DMD: variants seen among roughly 807,000 people sequenced by gnomAD.
DMD encodes the protein dystrophin.
A neutral mutation model predicts 330.1 loss-of-function variants in DMD; 63 were observed. The ratio of observed to expected loss-of-function variants is 0.19; its 90% confidence interval spans 0.16 to 0.24. The LOEUF (loss-of-function observed/expected upper bound fraction) is 0.24. DMD is among the 10% of genes least tolerant of loss of function. The probability of loss-of-function intolerance (pLI) is 1.00; values close to 1 mark genes in which losing one functional copy is unlikely to be tolerated. For missense variants in DMD, 3,344 were observed against 2,684.1 expected (o/e 1.25, Z -5.43); for synonymous variants, 1,223 against 959.8 (o/e 1.27, Z -5.07).
At chrX:32,995,682 T>C (rs2093099900) in intron 2 of DMD, among the ~76,000 whole-genome samples, 2 of 112,378 alleles carry the variant, frequency 1.8e-5, no homozygotes, top group South Asian at 7.4e-4. Context: ...TGTATGGTAG[T>C]TACAACATTG....
intron 16 of DMD, among the ~76,000 whole-genome samples, chrX:32,547,840 G>A (rs1377061835): frequency 1.8e-5 from 2 of 111,354 alleles, no homozygotes; most frequent in African/African-American, 6.5e-5. Context: ...TGGGAAAGAT[G>A]TTCTTAACAA....
intron 47 of DMD, among the ~76,000 whole-genome samples, chrX:31,927,606 T>A (rs1415696156): frequency 1.9e-5 from 2 of 106,308 alleles, no homozygotes; most frequent in African/African-American, 7.0e-5. Context: ...TTTACACAGA[T>A]GTTTTGCAAT....
intron 1 of DMD, among the ~76,000 whole-genome samples, chrX:33,264,165 C>T (rs777075407): frequency 2.6e-4 from 29 of 111,372 alleles, no homozygotes; most frequent in African/African-American, 9.1e-4. Flanking sequence ...CAAATATACA[C>T]GCCTTTTCTA....
intron 51 of DMD, among the ~76,000 whole-genome samples, chrX:31,764,430 A>G (rs1302042801): frequency 9.0e-6 from 1 of 111,609 alleles, no homozygotes; most frequent in Non-Finnish European, 1.9e-5. Context: ...GTATAATATA[A>G]CATGACAGAA....
At position 31,173,309 on chromosome X, in the gene DMD, G is replaced by A. The variant is rs182617780; in HGVS notation, c.10328+230C>T. 6.3e-5 allele frequency among the ~76,000 whole-genome samples: 7 copies of A among 111,490 alleles called. No individual in the cohort carries two copies. The East Asian group carries it at 1.7e-3, about 27-fold the overall frequency. ...TATAAAAAAACATAGCAAGGCTACC[G>A]GAAATGTTTAAAAGCCAGGGTTAGG... On this transcript the variant is annotated intron_variant, in intron 72 of 78. Transcript: ENST00000357033.
At chrX:31,601,507 G>A (rs947523440) in intron 55 of DMD, among the ~76,000 whole-genome samples, 6 of 111,341 alleles carry the variant, frequency 5.4e-5, no homozygotes, top group African/African-American at 2.0e-4. Flanking sequence ...GAGACGGGAA[G>A]CATAACCTTT....
At chrX:33,332,624 T>A (rs1282446859) in intron 1 of DMD, among the ~76,000 whole-genome samples, 1 of 111,296 alleles carries the variant, frequency 9.0e-6, no homozygotes, top group Non-Finnish European at 1.9e-5. Context: ...ACTTTGAATC[T>A]AAGGGAAAGG....
At chrX:31,857,378 C>G (rs2093630014) in intron 48 of DMD, among the ~76,000 whole-genome samples, 2 of 31,259 alleles carry the variant, frequency 6.4e-5, no homozygotes, top group African/African-American at 2.5e-4. Flanking sequence ...GACTCCACCT[C>G]GGAAAAAAAA....
Position 31,587,363 on chromosome X carries a change from A to G in DMD, c.8217+40310T>C, listed in dbSNP as rs138185962. On this transcript the variant is annotated intron_variant, in intron 55 of 78. Transcript: ENST00000357033. ...CCACAAATAAAGTGTATGTGAGGTA[A>G]TGCATACGATAATTGGCTTGATTTA... is the stretch of plus-strand genomic sequence containing the variant. Among the ~76,000 whole-genome samples the G allele has an allele frequency of 7.8e-3, 876 of 112,114 alleles. 8 individuals are homozygous for G. Among genetic ancestry groups the G allele is most frequent in the African/African-American group, 0.027 (823 of 30,908 alleles).
intron 29 of DMD, among the ~76,000 whole-genome samples, chrX:32,430,985 A>C (rs753349292): frequency 2.7e-5 from 3 of 112,121 alleles, no homozygotes; most frequent in Admixed American, 9.5e-5. Context: ...GGTTGTCTCT[A>C]TATCTTTGCT....
chrX:31,293,843 T>C (rs764105177), intron 62 of DMD, among the ~76,000 whole-genome samples: 8 of 110,997 alleles, frequency 7.2e-5, no homozygotes, highest in Non-Finnish European at 1.3e-4. Context: ...AACAAATGGT[T>C]AAACGAGCAA....
chrX:32,645,818 G>A (rs1426585955), intron 9 of DMD, among the ~76,000 whole-genome samples: 14 of 112,188 alleles, frequency 1.2e-4, no homozygotes, highest in African/African-American at 4.5e-4. Context: ...TAATTAGCAG[G>A]ATATTAAGTG....
chrX:31,524,580 C>T (rs1477360698), intron 55 of DMD, among the ~76,000 whole-genome samples: 4 of 111,516 alleles, frequency 3.6e-5, no homozygotes, highest in Non-Finnish European at 7.5e-5. Context: ...TTGTTTGAGG[C>T]TAATGGCTTC....
intron 1 of DMD, among the ~76,000 whole-genome samples, chrX:33,068,290 A>C (rs2094694754): frequency 8.9e-6 from 1 of 111,799 alleles, no homozygotes; most frequent in African/African-American, 3.3e-5. Flanking sequence ...TGTAAGGCCA[A>C]GGTAGTGATT....
At chrX:32,298,960 A>C (rs1280139412) in intron 42 of DMD, among the ~76,000 whole-genome samples, 1 of 110,867 alleles carries the variant, frequency 9.0e-6, no homozygotes, top group Non-Finnish European at 1.9e-5. Flanking sequence ...ACAGTCAGAG[A>C]CTCTTGGTTC....
At chrX:32,641,794 C>A (rs1407562372) in intron 11 of DMD, among the ~76,000 whole-genome samples, 2 of 110,668 alleles carry the variant, frequency 1.8e-5, no homozygotes, top group East Asian at 5.7e-4. Flanking sequence ...TCTATCCAAA[C>A]CCTGTCTTAG....
intron 9 of DMD, 111 bp downstream of exon 9, chrX:32,697,759 T>C: frequency 9.5e-7 from 1 of 1,055,310 alleles, no homozygotes; most frequent in Non-Finnish European, 1.3e-6. Flanking sequence ...ACAAACCAGC[T>C]CTTCACGAGG....
intron 34 of DMD, among the ~76,000 whole-genome samples, chrX:32,368,695 T>C (rs1005363646): frequency 9.0e-6 from 1 of 111,178 alleles, no homozygotes; most frequent in African/African-American, 3.3e-5. Context: ...ATTTATAGGG[T>C]TGGCGAGATG....
At chrX:32,233,631 A>T (rs1182693227) in intron 43 of DMD, among the ~76,000 whole-genome samples, 3 of 103,758 alleles carry the variant, frequency 2.9e-5, no homozygotes, top group Non-Finnish European at 5.9e-5. Context: ...TTATTTATTT[A>T]TTTATTTATT....
Sources: allele counts gnomAD v4.1 joint callset (sites outside exome capture counted in the v4.1 genomes callset), GRCh38; gene constraint gnomAD v4.1.1; transcripts MANE v1.5; gene names NCBI Gene and HGNC (gene_info 2026-07-23, HGNC 2026-07-21).